Variants in DICER1 observed in about 807,000 individuals in gnomAD.
DICER1 encodes endoribonuclease Dicer.
Under a neutral mutation model 194.1 loss-of-function variants are expected in DICER1, and 43 were observed. The observed-to-expected ratio is 0.22, with a 90% CI of 0.17 to 0.29. The LOEUF is 0.29. DICER1 is among the 10% of genes least tolerant of loss of function. The pLI, the probability that DICER1 is intolerant of heterozygous loss-of-function variation, is 1.00. For synonymous variants in DICER1, 832 were observed against 820.5 expected, an observed-to-expected ratio of 1.01 and a Z score of -0.24; for missense variants, 1,608 against 2,317.0, an observed-to-expected ratio of 0.69 and a Z score of 6.28.
chr14:95,096,500 T>C lies in DICER1; in HGVS notation c.4420A>G (p.Thr1474Ala), dbSNP rs1890354220. ...TTCCATTCATATGCAGAATCAGTGG[T>C]TGAAAAAGGAGAAAGAGAGATTTTC... Reference protein sequence around the residue: ...VKKISLSPFSTTDSAYEWKMP... With the variant: ...VKKISLSPFSATDSAYEWKMP... Residue 1474 changes from threonine to alanine, a missense_variant, in exon 23 of 27, where the codon ACC becomes GCC. Physicochemically the swap from Thr to Ala is moderately conservative, Grantham distance 58. This residue lies in a region of DICER1 where 164 missense variants were observed against 183.7 expected (regional missense o/e 0.89). Coordinates refer to ENST00000343455, the MANE Select transcript of DICER1 (RefSeq NM_177438.3). 1 of 1,614,174 alleles carries C rather than the reference T, an allele frequency of 6.2e-7. No individual in the cohort carries two copies. Among genetic ancestry groups the C allele is most frequent in the Non-Finnish European group, 8.5e-7 (1 of 1,180,002 alleles).
Position 95,124,350 on chromosome 14 carries a change from T to A in DICER1, c.1222A>T (p.Asn408Tyr), listed in dbSNP as rs750625383. ...VEWYNNRNQD[N>Y]YVSWSDSEDD... ...TCAGAATCACTCCATGACACATAAT[T>A]ATCCTGATTTCTATTATTATACCAC... Residue 408 changes from asparagine to tyrosine, a missense_variant, in exon 8 of 27, where the codon AAT becomes TAT. Around this residue, in one of 10 missense-constraint regions of DICER1, gnomAD observed 657 missense variants for 910.1 expected, o/e 0.72. Transcript: ENST00000343455. This position sits in a 1 kb window ranked among gnomAD's most constrained non-coding sequence, Gnocchi z 4.5. 6.2e-7 allele frequency: 1 copy of A among 1,613,926 alleles called. No homozygotes were observed. Among genetic ancestry groups the A allele is most frequent in the Non-Finnish European group, 8.5e-7 (1 of 1,179,832 alleles).
chr14:95,114,812 C>T (rs754351551), intron 11 of DICER1, among the ~76,000 whole-genome samples: 19 of 152,032 alleles, frequency 1.2e-4, no homozygotes, highest in Non-Finnish European at 2.6e-4. Context: ...TGATGTGCTG[C>T]CCAAAAATTT....
intron 1 of DICER1, among the ~76,000 whole-genome samples, chr14:95,156,837 C>T (rs1310557282): frequency 6.6e-6 from 1 of 152,156 alleles, no homozygotes; most frequent in East Asian, 1.9e-4. Flanking sequence ...AGGTCAGGCG[C>T]GCGTCTCCAC....
At position 95,091,060 on chromosome 14, in the gene DICER1, T is replaced by C. The variant is rs1889760641; in HGVS notation, c.5577A>G (p.Glu1859=). 1 of 1,613,940 alleles carries C rather than the reference T, an allele frequency of 6.2e-7. No homozygotes were observed. Among genetic ancestry groups the C allele is most frequent in the Non-Finnish European group, 8.5e-7 (1 of 1,179,914 alleles). Residue 1859 remains glutamate, a synonymous_variant, in exon 26 of 27, where the codon GAA becomes GAG. Coordinates refer to ENST00000343455, the MANE Select transcript of DICER1 (RefSeq NM_177438.3). ...VPRSPVRELL[E]MEPETAKFSP... ...TAAATTTGGCAGTTTCTGGTTCCAT[T>C]TCAAGCAATTCTCGCACAGGGGAAC...
At chr14:95,144,385 C>T (rs1039137171) in intron 1 of DICER1, among the ~76,000 whole-genome samples, 2 of 151,892 alleles carry the variant, frequency 1.3e-5, no homozygotes, top group Non-Finnish European at 2.9e-5. Flanking sequence ...TGTCAGAATA[C>T]CAAGGTTTAA....
At chr14:95,103,283 C>A in intron 21 of DICER1, 63 bp downstream of exon 21, 1 of 1,551,146 alleles carries the variant, frequency 6.4e-7, no homozygotes, top group South Asian at 1.1e-5. Context: ...TTATCCAACA[C>A]TGCAAACCAC....
intron 24 of DICER1, 142 bp downstream of exon 24, chr14:95,093,746 T>C: frequency 1.1e-6 from 1 of 901,892 alleles, no homozygotes; most frequent in African/African-American, 1.6e-5. Context: ...AGTTCACTCG[T>C]GCTCCCACAG....
At position 95,108,524 on chromosome 14, in the gene DICER1, T is replaced by G. The variant is rs142656566; in HGVS notation, c.2257-21A>C. ...GGAATCTAGAGTTGGAAAGGAAAATTAAGCGTCATGCTCAAGCATATTAGC... is the reference window on the plus strand; with the variant it reads ...GGAATCTAGAGTTGGAAAGGAAAATGAAGCGTCATGCTCAAGCATATTAGC... On this transcript the variant is annotated intron_variant, in intron 14 of 26. Coordinates refer to ENST00000343455, the MANE Select transcript of DICER1 (RefSeq NM_177438.3). 1.6e-4 allele frequency: 260 copies of G among 1,609,734 alleles called. No individual in the cohort carries two copies. In the African/African-American group the frequency reaches 3.0e-3, roughly 18 times the overall value.
chr14:95,154,432 T>A (rs1018037680), intron 1 of DICER1, among the ~76,000 whole-genome samples: 9 of 152,190 alleles, frequency 5.9e-5, no homozygotes, highest in African/African-American at 1.9e-4. Context: ...TTATTCACAG[T>A]AGCCAAAAGA....
chr14:95,108,145 C>G (rs772362287), intron 15 of DICER1, 52 bp from the exon 16 acceptor site: 3 of 1,436,120 alleles, frequency 2.1e-6, no homozygotes, highest in Admixed American at 1.7e-5. Flanking sequence ...GTATTTTATT[C>G]CATTACAGTT....
In DICER1 at chr14:95,105,458, T is replaced by C. The variant is rs192345344; in HGVS notation, c.3094-212A>G. On this transcript the variant is annotated intron_variant, in intron 19 of 26. Coordinates refer to ENST00000343455, the MANE Select transcript of DICER1 (RefSeq NM_177438.3). The surrounding 1 kb of genome is among the most constrained non-coding windows in gnomAD (Gnocchi z 4.9). ...TTGTGATATATTAATGGGCCAAGTA[T>C]AAAAACAAAACTCTCAATACTTACC... Among the ~76,000 whole-genome samples, 4 of 152,252 alleles carry C rather than the reference T, an allele frequency of 2.6e-5. No homozygotes were observed. The highest frequency in any genetic ancestry group is 4.8e-5 in the African/African-American group (2 of 41,554).
chr14:95,115,104 C>T (rs1476550746), intron 11 of DICER1, among the ~76,000 whole-genome samples: 1 of 152,106 alleles, frequency 6.6e-6, no homozygotes, highest in African/African-American at 2.4e-5. Flanking sequence ...TTCTAGTATT[C>T]TTACAACACT....
In DICER1 at chr14:95,086,313, G is replaced by A. The variant is rs1193970838; in HGVS notation, c.*4185C>T. The A allele has an allele frequency of 8.6e-6, 2 of 232,756 alleles. No individual in the cohort carries two copies. Among genetic ancestry groups the A allele is most frequent in the Non-Finnish European group, 1.7e-5 (2 of 117,878 alleles). The allele number at this position is 232,756 out of a possible 1,614,324, so 14.4% of individuals were successfully genotyped here. ...TAAAGGTAATTGTGATCCATAAGGTGCAGACTGCAAATTTCTGCAGCATGA... is the reference window on the plus strand; with the variant it reads ...TAAAGGTAATTGTGATCCATAAGGTACAGACTGCAAATTTCTGCAGCATGA... On this transcript the variant is annotated 3_prime_UTR_variant, in exon 27 of 27. Coordinates refer to ENST00000343455, the MANE Select transcript of DICER1 (RefSeq NM_177438.3).
At position 95,105,892 on chromosome 14, in the gene DICER1, C is replaced by T; in HGVS notation, c.2988-109G>A. The T allele has an allele frequency of 2.2e-6, 3 of 1,393,072 alleles. No homozygotes were observed. Among genetic ancestry groups the T allele is most frequent in the Non-Finnish European group, 3.1e-6 (3 of 980,192 alleles). The allele number at this position is 1,393,072 out of a possible 1,614,324, so 86.3% of individuals were successfully genotyped here. A position where few individuals can be genotyped will look rare whatever the true frequency, so the allele number is the denominator to read the frequency against. On this transcript the variant is annotated intron_variant, in intron 18 of 26. Transcript: ENST00000343455. The surrounding 1 kb of genome is among the most constrained non-coding windows in gnomAD (Gnocchi z 4.9). The stretch of plus-strand genomic sequence containing the variant: ...CTCATTTCAACTACAGCCTCTTGGG[C>T]TACCCCTTGGGCAAGTTTGTGTGCA...
At position 95,124,299 on chromosome 14, in the gene DICER1, C is replaced by T. The variant is rs1435715607; in HGVS notation, c.1273G>A (p.Glu425Lys). The change falls in exon 8 of 27, where the codon GAA becomes AAA. Residue 425 changes from glutamate (E) to lysine (K), a missense_variant. Coordinates refer to ENST00000343455, the MANE Select transcript of DICER1 (RefSeq NM_177438.3). The surrounding 1 kb of genome is among the most constrained non-coding windows in gnomAD (Gnocchi z 4.5). ...TTTGTCTCTGGCTTCTCTTTTTCTT[C>T]AATTTCTTCATCCTCATCATCATCC... The part of the protein sequence containing the change: ...SEDDDEDEEI[E>K]EKEKPETNFP... 1.2e-6 allele frequency: 2 copies of T among 1,613,956 alleles called. No individual in the cohort carries two copies. The highest frequency in any genetic ancestry group is 1.7e-6 in the Non-Finnish European group (2 of 1,179,978).
chr14:95,151,677 G>A (rs890568948), intron 1 of DICER1, among the ~76,000 whole-genome samples: 5 of 152,092 alleles, frequency 3.3e-5, no homozygotes, highest in African/African-American at 1.2e-4. Flanking sequence ...ACAAAGCTAT[G>A]ATAAAACATT....
intron 4 of DICER1, among the ~76,000 whole-genome samples, chr14:95,131,062 C>A (rs935158831): frequency 6.6e-6 from 1 of 152,082 alleles, no homozygotes; most frequent in Admixed American, 6.5e-5. Flanking sequence ...GATGGAGTCT[C>A]GCTGTCACCC....
intron 1 of DICER1, among the ~76,000 whole-genome samples, chr14:95,155,240 A>G (rs1345507440): frequency 6.6e-6 from 1 of 152,212 alleles, no homozygotes; most frequent in Non-Finnish European, 1.5e-5. Flanking sequence ...GAGGCACTCA[A>G]TAACACGTTT....
At chr14:95,121,945 T>C (rs1018808220) in intron 8 of DICER1, among the ~76,000 whole-genome samples, 1 of 152,190 alleles carries the variant, frequency 6.6e-6, no homozygotes, top group East Asian at 1.9e-4. Flanking sequence ...CAATAGCTTA[T>C]ATGCCCATGA....
Sources: allele counts gnomAD v4.1 joint callset (sites outside exome capture counted in the v4.1 genomes callset), GRCh38; gene constraint gnomAD v4.1.1; regional missense constraint gnomAD v4.1.1; non-coding constraint Gnocchi (gnomAD v3.1); transcripts MANE v1.5; gene names NCBI Gene and HGNC (gene_info 2026-07-23, HGNC 2026-07-21).